Variants in CTNND1 observed in about 807,000 individuals in gnomAD.
CTNND1 encodes catenin delta-1.
CTNND1 carries 16 observed loss-of-function variants against 112.1 expected under a neutral mutation model. The observed-to-expected ratio is 0.14, with a 90% CI of 0.10 to 0.22. The LOEUF is 0.22. Among genes scored for constraint, CTNND1 ranks in the 10% least tolerant of loss-of-function variants. CTNND1 has a pLI of 1.00. For synonymous variants in CTNND1, 420 were observed against 446.5 expected (o/e 0.94, Z 0.75); for missense variants, 1,008 against 1,257.0 (o/e 0.80, Z 3.00).
Position 57,810,238 on chromosome 11 carries a change from G to C in CTNND1, c.2550+15G>C. ...CAGACTTTCAGGTATAGTAACTTTT[G>C]AGACCAAGACTTTTACTTTTTTTTT... On this transcript the variant is annotated intron_variant, in intron 16 of 20. Transcript: ENST00000399050. The C allele has an allele frequency of 1.3e-6, 2 of 1,571,770 alleles. No individual in the cohort carries two copies. Among genetic ancestry groups the C allele is most frequent in the Non-Finnish European group, 1.7e-6 (2 of 1,155,672 alleles).
At position 57,819,534 on chromosome 11, in the gene CTNND1, C is replaced by G. The variant is rs898854175; in HGVS notation, c.*3226C>G. On this transcript the variant is annotated 3_prime_UTR_variant, in exon 21 of 21. Transcript: ENST00000399050. ...GTTTATCTCATTCAATAAATATTTG[C>G]CAAGCACCTCCTATATGCTAAGCGT... is the stretch of plus-strand genomic sequence containing the variant. 1 of 152,132 alleles carries G rather than the reference C, an allele frequency of 6.6e-6. No homozygotes were observed. The highest frequency in any genetic ancestry group is 2.4e-5 in the African/African-American group (1 of 41,402). The allele number at this position is 152,132 out of a possible 1,614,324, so 9.4% of individuals were successfully genotyped here. A position where few individuals can be genotyped will look rare whatever the true frequency, so the allele number is the denominator to read the frequency against.
At chr11:57,805,687 A>T (rs1408092011) in intron 9 of CTNND1, among the ~76,000 whole-genome samples, 195 bp from the exon 10 acceptor site, 1 of 152,166 alleles carries the variant, frequency 6.6e-6, no homozygotes, top group Non-Finnish European at 1.5e-5. Context: ...ATAAGTCCAT[A>T]GTTGGACCTT....
intron 1 of CTNND1, among the ~76,000 whole-genome samples, chr11:57,786,503 A>G (rs1025588737): frequency 6.6e-6 from 1 of 152,184 alleles, no homozygotes; most frequent in East Asian, 1.9e-4. Flanking sequence ...ACAGCACTCC[A>G]GCCTGGGCCA....
intron 14 of CTNND1, 111 bp from the exon 15 acceptor site, chr11:57,809,163 A>G: frequency 1.4e-6 from 1 of 734,582 alleles, no homozygotes; most frequent in Non-Finnish European, 2.3e-6. Flanking sequence ...AATGAAGTTG[A>G]TTCATGTGGA....
At position 57,796,464 on chromosome 11, in the gene CTNND1, A is replaced by G. The variant is rs368737677; in HGVS notation, c.428A>G (p.Lys143Arg). ...TTRRTETTVK[K>R]VVKTVTTRTV... The stretch of plus-strand genomic sequence containing the variant: ...CTTGTTTCCTACTTGCAGGTCAAGA[A>G]AGTAGTGAAGACTGTGACAACACGG... Residue 143 changes from lysine (K) to arginine (R), a missense_variant, in exon 6 of 21, where the codon AAA (lysine) becomes AGA (arginine). Physicochemically the swap from Lys to Arg is conservative, Grantham distance 26. Coordinates refer to ENST00000399050, the MANE Select transcript of CTNND1 (RefSeq NM_001085458.2). 8 of 1,585,962 alleles carry G rather than the reference A, an allele frequency of 5.0e-6. No homozygotes were observed. The African/African-American group carries it at 1.1e-4, about 22-fold the overall frequency.
At chr11:57,800,582 T>A (rs1007160174) in intron 6 of CTNND1, among the ~76,000 whole-genome samples, 20 of 152,200 alleles carry the variant, frequency 1.3e-4, no homozygotes, top group Non-Finnish European at 2.9e-5. Context: ...TTCCGTGTTA[T>A]TTTAAGACCA....
chr11:57,785,887 A>G (rs912549509), intron 1 of CTNND1, among the ~76,000 whole-genome samples: 1 of 151,768 alleles, frequency 6.6e-6, no homozygotes, highest in East Asian at 1.9e-4. Flanking sequence ...CTATCTGGTT[A>G]GCACTGTCTA....
Position 57,819,384 on chromosome 11 carries a change from T to G in CTNND1, c.*3076T>G, listed in dbSNP as rs1337819667. 1 of 152,252 alleles carries G rather than the reference T, an allele frequency of 6.6e-6. No individual in the cohort carries two copies. Among genetic ancestry groups the G allele is most frequent in the Non-Finnish European group, 1.5e-5 (1 of 68,040 alleles). The allele number at this position is 152,252 out of a possible 1,614,324, so 9.4% of individuals were successfully genotyped here. On this transcript the variant is annotated 3_prime_UTR_variant, in exon 21 of 21. Transcript: ENST00000399050. ...TTGATAGCCCTGCTTGAGATGATTT[T>G]TATCTAAATAGAAAAGCCTGGCTGC...
intron 4 of CTNND1, among the ~76,000 whole-genome samples, chr11:57,795,048 G>A (rs2061216832): frequency 6.6e-6 from 1 of 152,048 alleles, no homozygotes; most frequent in African/African-American, 2.4e-5. Flanking sequence ...AATAAAATTA[G>A]CCAGGCATGG....
At chr11:57,800,039 G>T (rs1488385546) in intron 6 of CTNND1, among the ~76,000 whole-genome samples, 1 of 142,488 alleles carries the variant, frequency 7.0e-6, no homozygotes, top group East Asian at 2.1e-4. Flanking sequence ...CCAGGCTGGA[G>T]AGCAGTGGTG....
In CTNND1 at chr11:57,761,875, G is replaced by A; in HGVS notation, c.-458G>A. 1.0e-6 allele frequency: 1 copy of A among 985,030 alleles called. No individual in the cohort carries two copies. Among genetic ancestry groups the A allele is most frequent in the South Asian group, 4.7e-5 (1 of 21,282 alleles). The allele number at this position is 985,030 out of a possible 1,614,324, so 61.0% of individuals were successfully genotyped here. ...CTTCCATTTTAGGTGTTGGATCTGA[G>A]GGGGAAAAAAAAGAGAGAGGGAGAG... On this transcript the variant is annotated 5_prime_UTR_variant, in exon 1 of 21. Coordinates refer to ENST00000399050, the MANE Select transcript of CTNND1 (RefSeq NM_001085458.2).
intron 1 of CTNND1, among the ~76,000 whole-genome samples, chr11:57,787,707 A>G (rs1053961721): frequency 9.9e-5 from 15 of 152,202 alleles, no homozygotes; most frequent in Admixed American, 7.2e-4. Context: ...GTTCTATCCC[A>G]TATGGCCTCT....
rs78428945 is a variant in CTNND1 at position 57,787,594 on chromosome 11, G to A, written c.-213-1443G>A. The stretch of plus-strand genomic sequence containing the variant: ...TTTCCCCAATTTGGTTCCTGGAAAC[G>A]GGGCAAATGGATTTGGCATCTTACA... On this transcript the variant is annotated intron_variant, in intron 1 of 20. Transcript: ENST00000399050. Among the ~76,000 whole-genome samples the A allele has an allele frequency of 2.3e-3, 352 of 152,212 alleles. 3 individuals are homozygous for A. Among genetic ancestry groups the A allele is most frequent in the South Asian group, 6.4e-3 (31 of 4,824 alleles).
chr11:57,787,947 G>A (rs1023997550), intron 1 of CTNND1, among the ~76,000 whole-genome samples: 1 of 152,164 alleles, frequency 6.6e-6, no homozygotes, highest in Non-Finnish European at 1.5e-5. Flanking sequence ...TAAGTTGCAG[G>A]GCCATTTATG....
intron 17 of CTNND1, chr11:57,814,029 T>C (rs1182430802): frequency 7.3e-6 from 2 of 275,054 alleles, no homozygotes; most frequent in Non-Finnish European, 1.4e-5. Context: ...TAAGAGTCTG[T>C]AGGGGCCAGG....
intron 1 of CTNND1, among the ~76,000 whole-genome samples, chr11:57,778,922 C>G (rs936653219): frequency 2.0e-5 from 3 of 152,116 alleles, no homozygotes; most frequent in South Asian, 2.1e-4. Flanking sequence ...CTAGCTACTC[C>G]GAGGGATTAG....
chr11:57,815,665 C>T (rs760215257), intron 19 of CTNND1, 165 bp downstream of exon 19: 5 of 808,404 alleles, frequency 6.2e-6, no homozygotes, highest in East Asian at 2.4e-5. Context: ...TTTCTTGGGC[C>T]GTTATTCTGC....
At chr11:57,794,248 C>G (rs1388032529) in intron 4 of CTNND1, among the ~76,000 whole-genome samples, 167 bp downstream of exon 4, 1 of 152,124 alleles carries the variant, frequency 6.6e-6, no homozygotes, top group African/African-American at 2.4e-5. Context: ...AGTATATATG[C>G]AGTTTTGTTT....
chr11:57,794,047 A>G lies in CTNND1; in HGVS notation c.233A>G (p.Gln78Arg). Residue 78 changes from glutamine to arginine, a missense_variant, in exon 4 of 21, where the codon CAG becomes CGG. This residue lies in a region of CTNND1 where 404 missense variants were observed against 457.9 expected (regional missense o/e 0.88). Transcript: ENST00000399050. ...RFVGDADLER[Q>R]KFSDLKLNGP... ...GTGGGCGATGCTGACCTTGAAAGAC[A>G]GAAATTTTCAGATTTGAAACTCAAC... is the stretch of plus-strand genomic sequence containing the variant. 6.2e-7 allele frequency: 1 copy of G among 1,614,036 alleles called. No individual in the cohort carries two copies. Among genetic ancestry groups the G allele is most frequent in the South Asian group, 1.1e-5 (1 of 91,086 alleles).
Sources: gnomAD v4.1 joint callset for allele counts (sites outside exome capture counted in the v4.1 genomes callset) on GRCh38, gnomAD v4.1.1 for gene constraint, gnomAD v4.1.1 regional missense constraint, MANE v1.5 for transcripts, NCBI Gene and HGNC (gene_info 2026-07-23, HGNC 2026-07-21) for gene names.